Variants in SBF1 observed in about 807,000 individuals in gnomAD.
SBF1 encodes the protein myotubularin-related protein 5.
A neutral mutation model predicts 215.8 loss-of-function variants in SBF1; 65 were observed. That is an observed-to-expected ratio of 0.30 (90% CI 0.25 to 0.37). SBF1 has a LOEUF of 0.37. Among genes scored for constraint, SBF1 ranks in the 10% least tolerant of loss-of-function variants. The pLI is 1.00. For missense variants in SBF1, 2,634 were observed against 2,667.8 expected (o/e 0.99, Z 0.28); for synonymous variants, 1,410 against 1,122.8 (o/e 1.26, Z -5.11).
chr22:50,451,859 C>T (rs1041111965), intron 36 of SBF1, among the ~76,000 whole-genome samples: 6 of 150,410 alleles, frequency 4.0e-5, no homozygotes, highest in Admixed American at 6.6e-5. Flanking sequence ...TGCAGTGGCG[C>T]GATCTCAGCT....
chr22:50,474,957 G>T lies in SBF1; in HGVS notation c.-117C>A. The T allele has an allele frequency of 1.6e-6, 1 of 620,742 alleles. No homozygotes were observed. The highest frequency in any genetic ancestry group is 2.1e-6 in the Non-Finnish European group (1 of 479,458). The allele number at this position is 620,742 out of a possible 1,614,324, so 38.5% of individuals were successfully genotyped here. ...GGACCGCGCACCCCGGACACCCCTG[G>T]TTCGCTCCGCGGCGGCGGCGGCGGC... On this transcript the variant is annotated 5_prime_UTR_variant, in exon 1 of 41. Coordinates refer to ENST00000380817, the MANE Select transcript of SBF1 (RefSeq NM_002972.4).
chr22:50,455,164 G>A (rs753752753), intron 33 of SBF1, 22 bp from the exon 34 acceptor site: 1 of 1,614,000 alleles, frequency 6.2e-7, no homozygotes, highest in Non-Finnish European at 8.5e-7. Flanking sequence ...GTGGGTCAGG[G>A]GCCAGGGCTC....
chr22:50,459,590 T>G lies in SBF1; in HGVS notation c.3568A>C (p.Asn1190His), dbSNP rs2067412862. Residue 1190 changes from asparagine (N) to histidine (H), a missense_variant, in exon 27 of 41, where the codon AAC becomes CAC. Transcript: ENST00000380817. ...LQRVSRCYRQNRFPVVCWRSG... is the reference protein window; with the variant it reads ...LQRVSRCYRQHRFPVVCWRSG... ...CGCCAGCAGACCACGGGGAAGCGGT[T>G]CTGGCGGTAGCAGCGGGACACGCGC... The G allele has an allele frequency of 6.2e-7, 1 of 1,610,280 alleles. No individual in the cohort carries two copies. Among genetic ancestry groups the G allele is most frequent in the South Asian group, 1.1e-5 (1 of 90,932 alleles).
At position 50,459,373 on chromosome 22, in the gene SBF1, C is replaced by T. The variant is rs1481554238; in HGVS notation, c.3708G>A (p.Ser1236=). 6.2e-6 allele frequency: 10 copies of T among 1,612,234 alleles called. No individual in the cohort carries two copies. The highest frequency in any genetic ancestry group is 5.3e-5 in the African/African-American group (4 of 74,912). ...APSPGQSQAD[S]SSLEQEKYLQ... is the part of the protein sequence containing the mutation. ...GGTACTTCTCCTGCTCCAGGCTACT[C>T]GAGTCCGCCTGGGACTGGCCTGGGG... The change falls in exon 28 of 41, where the codon TCG becomes TCA. Residue 1236 remains serine, a synonymous_variant. Coordinates refer to ENST00000380817, the MANE Select transcript of SBF1 (RefSeq NM_002972.4).
intron 36 of SBF1, among the ~76,000 whole-genome samples, chr22:50,453,017 G>C (rs1011212332): frequency 4.0e-5 from 6 of 151,892 alleles, no homozygotes; most frequent in African/African-American, 1.2e-4. Context: ...GGGACAAAGA[G>C]AAAACAAAGA....
chr22:50,455,977 C>G (rs2067229893), intron 31 of SBF1: 1 of 568,232 alleles, frequency 1.8e-6, no homozygotes, highest in African/African-American at 1.9e-5. Flanking sequence ...GTGGGCCCAG[C>G]AGGCTGCTCC....
intron 31 of SBF1, 152 bp from the exon 32 acceptor site, chr22:50,455,734 A>C: frequency 1.5e-6 from 1 of 660,230 alleles, no homozygotes; most frequent in Non-Finnish European, 2.6e-6. Context: ...GCACTGGACA[A>C]ACACAGCTCG....
intron 36 of SBF1, among the ~76,000 whole-genome samples, chr22:50,452,172 C>T (rs1370571103): frequency 6.7e-6 from 1 of 148,380 alleles, no homozygotes; most frequent in East Asian, 2.0e-4. Flanking sequence ...AAGCAGCTGT[C>T]AACCTAGAAA....
Position 50,474,286 on chromosome 22 carries a change from C to G in SBF1, c.55+500G>C, listed in dbSNP as rs548019658. 5.9e-5 allele frequency among the ~76,000 whole-genome samples: 9 copies of G among 152,382 alleles called. No individual in the cohort carries two copies. The East Asian group carries it at 1.3e-3, about 23-fold the overall frequency. On this transcript the variant is annotated intron_variant, in intron 1 of 40. Transcript: ENST00000380817. ...CATGCACCAAACCCGAACTCCACCC[C>G]CTCTTTGCACCCCGCCAAGACCGCC...
intron 1 of SBF1, among the ~76,000 whole-genome samples, chr22:50,473,340 G>A (rs974299898): frequency 2.0e-5 from 3 of 152,140 alleles, no homozygotes; most frequent in African/African-American, 7.2e-5. Flanking sequence ...CTCTGCCCCA[G>A]GTGGTAAGGC....
chr22:50,463,201 T>A, intron 16 of SBF1, 82 bp downstream of exon 16: 1 of 1,553,968 alleles, frequency 6.4e-7, no homozygotes, highest in Non-Finnish European at 8.8e-7. Flanking sequence ...GTCTCTCCAC[T>A]CTCACTCACA....
intron 36 of SBF1, among the ~76,000 whole-genome samples, chr22:50,451,469 G>GA (rs2067044957): frequency 6.6e-6 from 1 of 152,092 alleles, no homozygotes; most frequent in African/African-American, 2.4e-5. Flanking sequence ...TAAAGACTGA[G>GA]AAAAAACAAA....
At chr22:50,454,969 G>A (rs376886593) in intron 34 of SBF1, 25 bp from the exon 35 acceptor site, 492 of 1,613,958 alleles carry the variant, frequency 3.0e-4, no homozygotes, top group Middle Eastern at 2.0e-3. Context: ...CACTGAGCCT[G>A]GGCCCCTCCT....
intron 1 of SBF1, 55 bp downstream of exon 1, chr22:50,474,731 C>A: frequency 7.1e-7 from 1 of 1,406,310 alleles, no homozygotes; most frequent in South Asian, 1.3e-5. Context: ...CAGCCCCTGG[C>A]CCTCAGCACT....
intron 4 of SBF1, 31 bp downstream of exon 4, chr22:50,467,501 C>G (rs769454165): frequency 6.2e-7 from 1 of 1,613,730 alleles, no homozygotes; most frequent in Non-Finnish European, 8.5e-7. Context: ...GCACCCTCGT[C>G]GTGCCTCGCC....
At chr22:50,458,480 G>A (rs558754968) in intron 28 of SBF1, among the ~76,000 whole-genome samples, 3 of 152,248 alleles carry the variant, frequency 2.0e-5, no homozygotes, top group African/African-American at 7.2e-5. Context: ...CAGGCATGGG[G>A]GGTGCAGGGG....
intron 26 of SBF1, 94 bp from the exon 27 acceptor site, chr22:50,459,760 CCAG>C: frequency 1.4e-6 from 2 of 1,401,484 alleles, no homozygotes; most frequent in South Asian, 1.4e-5. Flanking sequence ...CCCATGGCTC[CCAG>C]CAGGAGGCGC....
intron 23 of SBF1, 33 bp downstream of exon 23, chr22:50,461,126 G>A (rs1262133121): frequency 1.3e-6 from 2 of 1,565,498 alleles, no homozygotes; most frequent in Admixed American, 1.9e-5. Flanking sequence ...CCAGGGCGGG[G>A]GATGAGAGCC....
At chr22:50,463,807 G>A (rs2067625433) in intron 15 of SBF1, among the ~76,000 whole-genome samples, 1 of 152,174 alleles carries the variant, frequency 6.6e-6, no homozygotes, top group African/African-American at 2.4e-5. Context: ...TTGCTACAAC[G>A]TTCATCACAA....
Sources: allele counts gnomAD v4.1 joint callset (sites outside exome capture counted in the v4.1 genomes callset), GRCh38; gene constraint gnomAD v4.1.1; transcripts MANE v1.5; gene names NCBI Gene and HGNC (gene_info 2026-07-23, HGNC 2026-07-21).